The following GPR180 variants were observed in gnomAD, a reference collection of about 807,000 sequenced individuals.
GPR180 encodes integral membrane protein GPR180.
In GPR180, 53 loss-of-function variants were observed where a neutral mutation model predicts 52.6. The observed-to-expected ratio is 1.01, with a 90% confidence interval of 0.81 to 1.27. GPR180 has a LOEUF of 1.27. GPR180 is among the 50% of genes most tolerant of loss of function. The pLI is 0.00. For synonymous variants in GPR180, 200 were observed against 193.1 expected (o/e 1.04, Z -0.30); for missense variants, 533 against 527.0 (o/e 1.01, Z -0.11).
rs1363565741 is a variant in GPR180 at position 94,631,821 on chromosome 13, T to C, written c.*4650T>C. 6.6e-6 allele frequency: 1 copy of C among 151,990 alleles called. No homozygotes were observed. Among genetic ancestry groups the C allele is most frequent in the Non-Finnish European group, 1.5e-5 (1 of 67,992 alleles). The allele number at this position is 151,990 out of a possible 1,614,324, so 9.4% of individuals were successfully genotyped here. A position where few individuals can be genotyped will look rare whatever the true frequency, so the allele number is the denominator to read the frequency against. On this transcript the variant is annotated 3_prime_UTR_variant, in exon 9 of 9. Coordinates refer to ENST00000376958, the MANE Select transcript of GPR180 (RefSeq NM_180989.6). ...CTAGTCAAGTAGTTGTCATAAAACA[T>C]CAGTTACGAGAGGATTTCTCAAATT...
At chr13:94,614,005 A>G (rs956951246) in intron 3 of GPR180, among the ~76,000 whole-genome samples, 1 of 151,592 alleles carries the variant, frequency 6.6e-6, no homozygotes, top group African/African-American at 2.4e-5. Flanking sequence ...CAGCCTCCTG[A>G]GTAGCTGGGA....
chr13:94,623,951 A>G (rs1379237260), intron 7 of GPR180, among the ~76,000 whole-genome samples: 1 of 152,164 alleles, frequency 6.6e-6, no homozygotes, highest in African/African-American at 2.4e-5. Context: ...AACAGTTATT[A>G]ATTGACTATA....
intron 5 of GPR180, among the ~76,000 whole-genome samples, chr13:94,620,790 G>T (rs771714898): frequency 1.3e-5 from 2 of 152,110 alleles, no homozygotes; most frequent in Non-Finnish European, 2.9e-5. Context: ...AACGAAAAGA[G>T]TTAAGGTTGG....
At position 94,627,328 on chromosome 13, in the gene GPR180, G is replaced by GA; in HGVS notation, c.*165dup. The GA allele has an allele frequency of 3.4e-5, 17 of 496,770 alleles. No homozygotes were observed. The highest frequency in any genetic ancestry group is 1.2e-4 in the South Asian group (3 of 25,988). 30.8% of individuals were successfully genotyped at this position (496,770 alleles called of 1,614,324 possible). On this transcript the variant is annotated 3_prime_UTR_variant, in exon 9 of 9. Coordinates refer to ENST00000376958, the MANE Select transcript of GPR180 (RefSeq NM_180989.6). ...ACTGCATTTAAGCAGTACCAAGACT[G>GA]AAAAAAAAGGTAATAAATGAAATGT...
Position 94,628,497 on chromosome 13 carries a change from T to A in GPR180, c.*1326T>A, listed in dbSNP as rs1248909018. 1 of 152,226 alleles carries A rather than the reference T, an allele frequency of 6.6e-6. No homozygotes were observed. Among genetic ancestry groups the A allele is most frequent in the African/African-American group, 2.4e-5 (1 of 41,586 alleles). The allele number at this position is 152,226 out of a possible 1,614,324, so 9.4% of individuals were successfully genotyped here. A position where few individuals can be genotyped will look rare whatever the true frequency, so the allele number is the denominator to read the frequency against. Reference sequence around the variant, plus strand: ...GCACTGATCTGGTAGTTAAATTTTTTAATTAAATAGTTAAAATAATGTAGT... The same window carrying A: ...GCACTGATCTGGTAGTTAAATTTTTAAATTAAATAGTTAAAATAATGTAGT... On this transcript the variant is annotated 3_prime_UTR_variant, in exon 9 of 9. Coordinates refer to ENST00000376958, the MANE Select transcript of GPR180 (RefSeq NM_180989.6).
At chr13:94,603,788 A>G (rs972637103) in intron 1 of GPR180, among the ~76,000 whole-genome samples, 1 of 152,228 alleles carries the variant, frequency 6.6e-6, no homozygotes, top group Non-Finnish European at 1.5e-5. Flanking sequence ...AATGAAAAAC[A>G]GTCTCCTGTC....
chr13:94,605,303 A>G (rs2139563156), intron 1 of GPR180, 88 bp from the exon 2 acceptor site: 6 of 1,205,416 alleles, frequency 5.0e-6, no homozygotes, highest in Non-Finnish European at 4.8e-6. Flanking sequence ...TTAAATTTCC[A>G]TTTTGGTAAG....
At position 94,632,463 on chromosome 13, in the gene GPR180, T is replaced by G. The variant is rs1021817097; in HGVS notation, c.*5292T>G. On this transcript the variant is annotated 3_prime_UTR_variant, in exon 9 of 9. Transcript: ENST00000376958. Reference sequence around the variant, plus strand: ...TAGCCTTACCTAGAATTGTCCCATTTTTTTCACCAATTGCATAGAACTCCA... The same window carrying G: ...TAGCCTTACCTAGAATTGTCCCATTGTTTTCACCAATTGCATAGAACTCCA... 6.6e-6 allele frequency: 1 copy of G among 152,238 alleles called. No homozygotes were observed. The highest frequency in any genetic ancestry group is 2.4e-5 in the African/African-American group (1 of 41,452). The allele number at this position is 152,238 out of a possible 1,614,324, so 9.4% of individuals were successfully genotyped here.
In GPR180 at chr13:94,601,978, G is replaced by T. The variant is rs541307124; in HGVS notation, c.51G>T (p.Pro17=). The change falls in exon 1 of 9, where the codon CCG becomes CCT. Residue 17 remains proline, a synonymous_variant. Coordinates refer to ENST00000376958, the MANE Select transcript of GPR180 (RefSeq NM_180989.6). The part of the protein sequence containing the change: ...LAVALTCCWW[P]QGSQGKTLRG... ...TGGCCCTCACGTGCTGCTGGTGGCCGCAGGGCAGCCAGGGTAAGACCCTGC... is the reference window on the plus strand; with the variant it reads ...TGGCCCTCACGTGCTGCTGGTGGCCTCAGGGCAGCCAGGGTAAGACCCTGC... 5 of 1,495,176 alleles carry T rather than the reference G, an allele frequency of 3.3e-6. No homozygotes were observed. The highest frequency in any genetic ancestry group is 2.8e-5 in the East Asian group (1 of 35,450). The allele number at this position is 1,495,176 out of a possible 1,614,324, so 92.6% of individuals were successfully genotyped here.
Position 94,621,214 on chromosome 13 carries a change from A to G in GPR180, c.873A>G (p.Ala291=), listed in dbSNP as rs751122986. 9.4e-6 allele frequency: 15 copies of G among 1,602,472 alleles called. No homozygotes were observed. The highest frequency in any genetic ancestry group is 1.3e-5 in the African/African-American group (1 of 74,522). The change falls in exon 6 of 9, where the codon GCA becomes GCG. Residue 291 remains alanine, a synonymous_variant. Transcript: ENST00000376958. ...WDSTPASTGI[A]VFIVMTQSVL... ...CTACGCCTGCATCCACTGGCATTGC[A>G]GTATTCATTGTCATGACACAGGTGG... is the stretch of plus-strand genomic sequence containing the variant.
At chr13:94,602,395 A>G (rs1212519239) in intron 1 of GPR180, among the ~76,000 whole-genome samples, 3 of 152,064 alleles carry the variant, frequency 2.0e-5, no homozygotes, top group Admixed American at 6.5e-5. Context: ...GCATCTTTCC[A>G]GATCCTTCCC....
intron 2 of GPR180, 45 bp downstream of exon 2, chr13:94,605,594 C>A: frequency 1.3e-6 from 2 of 1,530,696 alleles, no homozygotes; most frequent in South Asian, 1.2e-5. Context: ...TAGTTTTTTT[C>A]CTCCTAATGT....
chr13:94,632,493 A>G lies in GPR180; in HGVS notation c.*5322A>G, dbSNP rs1890011556. The G allele has an allele frequency of 6.6e-6, 1 of 152,132 alleles. No homozygotes were observed. Among genetic ancestry groups the G allele is most frequent in the Non-Finnish European group, 1.5e-5 (1 of 68,010 alleles). 9.4% of individuals were successfully genotyped at this position (152,132 alleles called of 1,614,324 possible). On this transcript the variant is annotated 3_prime_UTR_variant, in exon 9 of 9. Coordinates refer to ENST00000376958, the MANE Select transcript of GPR180 (RefSeq NM_180989.6). ...CACCAATTGCATAGAACTCCATTAT[A>G]TGGATGTATTTTGATTTTTTCAAAG...
chr13:94,616,530 T>A (rs1889780943), intron 3 of GPR180, among the ~76,000 whole-genome samples: 1 of 152,236 alleles, frequency 6.6e-6, no homozygotes. Flanking sequence ...GTTTTCTTGC[T>A]ACTTTATTTT....
In GPR180 at chr13:94,631,527, CT is replaced by C. The variant is rs1395718751; in HGVS notation, c.*4359del. 6.7e-6 allele frequency: 1 copy of C among 150,144 alleles called. No individual in the cohort carries two copies. Among genetic ancestry groups the C allele is most frequent in the Non-Finnish European group, 1.5e-5 (1 of 67,706 alleles). 9.3% of individuals were successfully genotyped at this position (150,144 alleles called of 1,614,324 possible). A position where few individuals can be genotyped will look rare whatever the true frequency, so the allele number is the denominator to read the frequency against. On this transcript the variant is annotated 3_prime_UTR_variant, in exon 9 of 9. Transcript: ENST00000376958. ...TGTTTGTTGTACTTAGCTGGTTTAT[CT>C]TTGTCATCTCTCAAATTAGAATATA...
chr13:94,613,316 A>G (rs570303615), intron 3 of GPR180, among the ~76,000 whole-genome samples: 11 of 152,340 alleles, frequency 7.2e-5, no homozygotes, highest in African/African-American at 2.6e-4. Flanking sequence ...TTCAAAGTGT[A>G]AATTTGTCAC....
chr13:94,615,372 A>G (rs1030576934), intron 3 of GPR180, among the ~76,000 whole-genome samples: 3 of 152,252 alleles, frequency 2.0e-5, no homozygotes, highest in African/African-American at 7.2e-5. Context: ...ATTGACTATT[A>G]CCACATGTCT....
In GPR180 at chr13:94,601,895, A is replaced by G. The variant is rs1889556455; in HGVS notation, c.-33A>G. 1.5e-6 allele frequency: 2 copies of G among 1,368,564 alleles called. No individual in the cohort carries two copies. The highest frequency in any genetic ancestry group is 1.9e-6 in the Non-Finnish European group (2 of 1,059,898). The allele number at this position is 1,368,564 out of a possible 1,614,324, so 84.8% of individuals were successfully genotyped here. On this transcript the variant is annotated 5_prime_UTR_variant, in exon 1 of 9. Transcript: ENST00000376958. The stretch of plus-strand genomic sequence containing the variant: ...GGGCGGGCAGCCGCCGGCGGCTGGG[A>G]GCCGAGGCGTCGGTGCAGACCTGGA...
intron 3 of GPR180, among the ~76,000 whole-genome samples, chr13:94,613,931 T>C (rs1889745749): frequency 6.6e-6 from 1 of 150,924 alleles, no homozygotes; most frequent in African/African-American, 2.4e-5. Flanking sequence ...CAGCCTGGAG[T>C]GCAATGGTGC....
Sources: allele counts gnomAD v4.1 joint callset (sites outside exome capture counted in the v4.1 genomes callset), GRCh38; gene constraint gnomAD v4.1.1; transcripts MANE v1.5; gene names NCBI Gene and HGNC (gene_info 2026-07-23, HGNC 2026-07-21).